Variants in RORB observed in about 807,000 individuals in gnomAD.
RORB encodes the protein RAR related orphan receptor B.
RORB carries 6 observed loss-of-function variants against 59.1 expected under a neutral mutation model. The ratio of observed to expected loss-of-function variants is 0.10; its 90% CI spans 0.06 to 0.20. RORB has a LOEUF of 0.20. Among genes scored for constraint, RORB ranks in the 10% least tolerant of loss-of-function variants. The probability of loss-of-function intolerance (pLI) is 1.00; values close to 1 mark genes in which losing one functional copy is unlikely to be tolerated. For synonymous variants in RORB, 215 were observed against 204.5 expected (o/e 1.05, Z -0.44); for missense variants, 320 against 560.5 (o/e 0.57, Z 4.33).
chr9:74,623,440 T>C (rs1280151621), intron 1 of RORB, among the ~76,000 whole-genome samples: 1 of 18,780 alleles, frequency 5.3e-5, no homozygotes, highest in Non-Finnish European at 5.8e-4. Context: ...GTTTTCTCTC[T>C]CTTTTTTTTT....
chr9:74,564,734 G>A (rs1822445004), intron 1 of RORB, among the ~76,000 whole-genome samples: 1 of 152,020 alleles, frequency 6.6e-6, no homozygotes. Context: ...GCATTCACTA[G>A]GATTCAAAAA....
intron 1 of RORB, among the ~76,000 whole-genome samples, chr9:74,617,026 G>T (rs1282329350): frequency 1.3e-5 from 2 of 151,810 alleles, no homozygotes; most frequent in African/African-American, 4.8e-5. Flanking sequence ...AATACCTGGT[G>T]CTAGGCTTAG....
intron 1 of RORB, among the ~76,000 whole-genome samples, chr9:74,584,507 C>T (rs1473382151): frequency 6.6e-6 from 1 of 152,186 alleles, no homozygotes; most frequent in Non-Finnish European, 1.5e-5. Context: ...ATGTTAGTTT[C>T]TTATTATTTC....
chr9:74,621,585 A>G (rs984586349), intron 1 of RORB, among the ~76,000 whole-genome samples: 1 of 152,194 alleles, frequency 6.6e-6, no homozygotes, highest in African/African-American at 2.4e-5. Flanking sequence ...GTAAGTTTTC[A>G]GTTCAATGGT....
At chr9:74,602,755 G>T (rs958067503) in intron 1 of RORB, among the ~76,000 whole-genome samples, 1 of 152,122 alleles carries the variant, frequency 6.6e-6, no homozygotes, top group African/African-American at 2.4e-5. Context: ...GCTCTGTAGA[G>T]AAATTTTTCA....
intron 4 of RORB, among the ~76,000 whole-genome samples, chr9:74,657,849 A>G (rs886514301): frequency 1.3e-5 from 2 of 151,950 alleles, no homozygotes; most frequent in African/African-American, 4.8e-5. Flanking sequence ...TACTAAAAAT[A>G]CAAAAATTAT....
chr9:74,597,914 C>A (rs1822995320), intron 1 of RORB, among the ~76,000 whole-genome samples: 1 of 151,472 alleles, frequency 6.6e-6, no homozygotes, highest in African/African-American at 2.4e-5. Context: ...GCCGAGATCG[C>A]GCCATTGCAC....
intron 1 of RORB, among the ~76,000 whole-genome samples, chr9:74,531,403 T>C (rs943904955): frequency 6.6e-6 from 1 of 152,002 alleles, no homozygotes; most frequent in African/African-American, 2.4e-5. Context: ...GTTTTCTATG[T>C]ATTATGCCCA....
At chr9:74,596,967 C>T (rs923958083) in intron 1 of RORB, among the ~76,000 whole-genome samples, 2 of 152,178 alleles carry the variant, frequency 1.3e-5, no homozygotes, top group African/African-American at 4.8e-5. Flanking sequence ...GAATGAGAAG[C>T]TCTTGCTCTC....
intron 6 of RORB, among the ~76,000 whole-genome samples, chr9:74,664,145 G>T (rs1434162204): frequency 6.6e-6 from 1 of 152,148 alleles, no homozygotes; most frequent in South Asian, 2.1e-4. Flanking sequence ...CTAGATAGCA[G>T]TTTCCTCATT....
chr9:74,681,331 G>A (rs941589212), intron 9 of RORB, among the ~76,000 whole-genome samples: 3 of 152,136 alleles, frequency 2.0e-5, no homozygotes, highest in African/African-American at 7.2e-5. Flanking sequence ...GGCCCTTCTG[G>A]GCTCTGACAA....
At chr9:74,599,552 A>T (rs1267250152) in intron 1 of RORB, among the ~76,000 whole-genome samples, 4 of 152,202 alleles carry the variant, frequency 2.6e-5, no homozygotes, top group Non-Finnish European at 1.5e-5. Context: ...AATAACATTC[A>T]TTCTAGAGTT....
intron 1 of RORB, among the ~76,000 whole-genome samples, chr9:74,505,323 T>G (rs911945563): frequency 7.9e-5 from 12 of 152,050 alleles, no homozygotes; most frequent in African/African-American, 2.7e-4. Context: ...GAGCCCAAAT[T>G]AAGATATACT....
At chr9:74,602,356 T>C (rs1666903384) in intron 1 of RORB, among the ~76,000 whole-genome samples, 1 of 152,222 alleles carries the variant, frequency 6.6e-6, no homozygotes, top group South Asian at 2.1e-4. Flanking sequence ...CCTATATTGT[T>C]GTTTTAAAGA....
chr9:74,564,605 C>T (rs1337745774), intron 1 of RORB, among the ~76,000 whole-genome samples: 1 of 152,182 alleles, frequency 6.6e-6, no homozygotes, highest in Admixed American at 6.5e-5. Flanking sequence ...TTTCTGCAGT[C>T]ATTACTTTGT....
intron 1 of RORB, among the ~76,000 whole-genome samples, chr9:74,507,782 T>C (rs1345804089): frequency 6.6e-6 from 1 of 151,986 alleles, no homozygotes; most frequent in African/African-American, 2.4e-5. Flanking sequence ...TTAACTTGTA[T>C]ATAAATTGTG....
At chr9:74,611,443 T>A (rs1159006565) in intron 1 of RORB, among the ~76,000 whole-genome samples, 1 of 152,168 alleles carries the variant, frequency 6.6e-6, no homozygotes, top group Non-Finnish European at 1.5e-5. Flanking sequence ...AAGAGGCAAG[T>A]GTTTTTCTTT....
intron 3 of RORB, among the ~76,000 whole-genome samples, chr9:74,641,085 A>T (rs1447254921): frequency 1.3e-5 from 2 of 152,216 alleles, no homozygotes; most frequent in African/African-American, 2.4e-5. Context: ...AGGTGGTGGG[A>T]ATACCGTCAC....
chr9:74,534,888 C>A (rs1826298401), intron 1 of RORB, among the ~76,000 whole-genome samples: 1 of 152,044 alleles, frequency 6.6e-6, no homozygotes, highest in African/African-American at 2.4e-5. Flanking sequence ...TTGGATTTGG[C>A]AGCTGCCAAG....
Sources: allele counts gnomAD v4.1 joint callset (sites outside exome capture counted in the v4.1 genomes callset), GRCh38; gene constraint gnomAD v4.1.1; transcripts MANE v1.5; gene names NCBI Gene and HGNC (gene_info 2026-07-23, HGNC 2026-07-21).